FSTL5: variants seen among roughly 807,000 people sequenced by gnomAD.
FSTL5 encodes follistatin like 5.
A neutral mutation model predicts 89.1 loss-of-function variants in FSTL5; 62 were observed. The ratio of observed to expected loss-of-function variants is 0.70; its 90% CI spans 0.57 to 0.86. FSTL5 has a LOEUF of 0.86. Ranked by LOEUF, FSTL5 falls within the 40% of genes least tolerant of loss-of-function variation. The pLI is 0.00. For missense variants in FSTL5, 1,057 were observed against 1,001.6 expected, an observed-to-expected ratio of 1.06 and a Z score of -0.75; for synonymous variants, 383 against 346.2, an observed-to-expected ratio of 1.11 and a Z score of -1.18.
chr4:161,504,980 T>A (rs745484629), intron 11 of FSTL5, among the ~76,000 whole-genome samples: 30 of 152,064 alleles, frequency 2.0e-4, no homozygotes, highest in Non-Finnish European at 3.8e-4. Context: ...TTGTCATTAG[T>A]TTTGCATTCA....
chr4:161,522,277 G>T (rs1334322010), intron 10 of FSTL5, among the ~76,000 whole-genome samples: 1 of 152,174 alleles, frequency 6.6e-6, no homozygotes, highest in Non-Finnish European at 1.5e-5. Flanking sequence ...CCAAGTAGCA[G>T]CAGTGTAGCC....
chr4:162,001,319 CCTAT>C (rs141828612), intron 3 of FSTL5, among the ~76,000 whole-genome samples: 46 of 151,942 alleles, frequency 3.0e-4, no homozygotes, highest in Admixed American at 5.2e-4. Flanking sequence ...TATCTATCCT[CCTAT>C]CTATCTATCT....
At chr4:162,009,527 A>G (rs1736701487) in intron 3 of FSTL5, among the ~76,000 whole-genome samples, 1 of 152,062 alleles carries the variant, frequency 6.6e-6, no homozygotes, top group Non-Finnish European at 1.5e-5. Context: ...CACCCCAAAA[A>G]GCACTCCTTG....
intron 4 of FSTL5, among the ~76,000 whole-genome samples, chr4:161,794,098 C>T (rs989296123): frequency 6.6e-6 from 1 of 152,118 alleles, no homozygotes; most frequent in African/African-American, 2.4e-5. Flanking sequence ...ATAGGTCTCT[C>T]AGAAGCAGTG....
chr4:161,957,689 A>G (rs1735063441), intron 3 of FSTL5, among the ~76,000 whole-genome samples: 1 of 152,074 alleles, frequency 6.6e-6, no homozygotes, highest in South Asian at 2.1e-4. Flanking sequence ...ATTATGCAGA[A>G]TCCTCATTCT....
intron 3 of FSTL5, among the ~76,000 whole-genome samples, chr4:161,996,207 C>T (rs1244891564): frequency 6.6e-6 from 1 of 152,188 alleles, no homozygotes; most frequent in African/African-American, 2.4e-5. Flanking sequence ...GTAATCTATT[C>T]TGCACATGGC....
rs892362231 is a variant in FSTL5, at chr4:161,905,859, T to C, written c.409+14545A>G. ...GAAACAGCAATGTTTTAATCTATGA[T>C]TTTGACATACAAATTCTGAAGTTAA... On this transcript the variant is annotated intron_variant, in intron 4 of 15. Coordinates refer to ENST00000306100, the MANE Select transcript of FSTL5 (RefSeq NM_020116.5). Among the ~76,000 whole-genome samples, 8 of 152,156 alleles carry C rather than the reference T, an allele frequency of 5.3e-5. 1 individual carries two copies. The highest frequency in any genetic ancestry group is 1.5e-5 in the Non-Finnish European group (1 of 68,022).
At chr4:161,714,171 C>T (rs570282193) in intron 6 of FSTL5, among the ~76,000 whole-genome samples, 2 of 152,102 alleles carry the variant, frequency 1.3e-5, no homozygotes, top group Non-Finnish European at 2.9e-5. Flanking sequence ...CAGGAGCCTT[C>T]CATCTGGCTA....
intron 4 of FSTL5, among the ~76,000 whole-genome samples, chr4:161,818,445 G>A (rs1174511473): frequency 1.3e-5 from 2 of 152,156 alleles, no homozygotes; most frequent in Admixed American, 1.3e-4. Context: ...AATTCAGCTG[G>A]TCAACACAAG....
intron 1 of FSTL5, among the ~76,000 whole-genome samples, chr4:162,115,232 T>C (rs1731589857): frequency 6.6e-6 from 1 of 152,192 alleles, no homozygotes; most frequent in Non-Finnish European, 1.5e-5. Context: ...ATGAATCCAA[T>C]TATATAGTTA....
At chr4:162,114,938 T>C (rs1006839086) in intron 1 of FSTL5, among the ~76,000 whole-genome samples, 1 of 152,188 alleles carries the variant, frequency 6.6e-6, no homozygotes, top group Non-Finnish European at 1.5e-5. Flanking sequence ...AAAATAAATA[T>C]ACATATATGC....
intron 6 of FSTL5, among the ~76,000 whole-genome samples, chr4:161,741,905 A>G (rs1167862608): frequency 6.6e-6 from 1 of 151,856 alleles, no homozygotes; most frequent in African/African-American, 2.4e-5. Flanking sequence ...AAGAAGTATG[A>G]TTTTTTAATA....
chr4:162,084,185 G>A (rs1355505912), intron 2 of FSTL5, among the ~76,000 whole-genome samples: 1 of 151,900 alleles, frequency 6.6e-6, no homozygotes, highest in African/African-American at 2.4e-5. Flanking sequence ...TAGAACCAGA[G>A]TTTTGTAGAG....
chr4:161,521,334 T>C (rs1731012489), intron 10 of FSTL5, among the ~76,000 whole-genome samples: 1 of 152,128 alleles, frequency 6.6e-6, no homozygotes, highest in African/African-American at 2.4e-5. Context: ...GTGTTTTTTT[T>C]TTCCTGTAAT....
chr4:162,101,674 G>T (rs1248733870), intron 2 of FSTL5, among the ~76,000 whole-genome samples: 1 of 152,140 alleles, frequency 6.6e-6, no homozygotes, highest in Non-Finnish European at 1.5e-5. Flanking sequence ...AATGGAATAA[G>T]TAATACTGGA....
intron 2 of FSTL5, among the ~76,000 whole-genome samples, chr4:162,094,286 C>G (rs1005401185): frequency 6.6e-6 from 1 of 152,112 alleles, no homozygotes; most frequent in Admixed American, 6.5e-5. Context: ...ACTTGGGAGG[C>G]TGAGGCAGGA....
intron 4 of FSTL5, among the ~76,000 whole-genome samples, chr4:161,821,590 C>T (rs1427607542): frequency 6.6e-6 from 1 of 152,134 alleles, no homozygotes; most frequent in Non-Finnish European, 1.5e-5. Flanking sequence ...ACCCCCAAAT[C>T]CCTGAAGTCC....
chr4:161,963,014 T>C (rs1440267237), intron 3 of FSTL5, among the ~76,000 whole-genome samples: 1 of 152,028 alleles, frequency 6.6e-6, no homozygotes, highest in Non-Finnish European at 1.5e-5. Flanking sequence ...GCTTTGCCAC[T>C]TGCTAGCTGT....
intron 1 of FSTL5, among the ~76,000 whole-genome samples, chr4:162,157,524 A>C (rs892140179): frequency 5.3e-5 from 8 of 152,128 alleles, no homozygotes; most frequent in Non-Finnish European, 1.2e-4. Flanking sequence ...CTAGGGCTCC[A>C]CAGAGAATCA....
Sources: allele counts gnomAD v4.1 joint callset (sites outside exome capture counted in the v4.1 genomes callset), GRCh38; gene constraint gnomAD v4.1.1; transcripts MANE v1.5; gene names NCBI Gene and HGNC (gene_info 2026-07-23, HGNC 2026-07-21).